Variants in ITGA4 observed in about 807,000 individuals in gnomAD.
The protein encoded by ITGA4 is integrin subunit alpha 4.
In ITGA4, 63 loss-of-function variants were observed where a neutral mutation model predicts 133.6. That is an observed-to-expected ratio of 0.47 (90% CI 0.38 to 0.58). ITGA4 has a LOEUF of 0.58. Among genes scored for constraint, ITGA4 ranks in the 20% least tolerant of loss-of-function variants. ITGA4 has a pLI of 0.00. For missense variants in ITGA4, 1,076 were observed against 1,252.7 expected, an observed-to-expected ratio of 0.86 and a Z score of 2.13; for synonymous variants, 483 against 438.0, an observed-to-expected ratio of 1.10 and a Z score of -1.28.
intron 17 of ITGA4, among the ~76,000 whole-genome samples, chr2:181,520,557 T>A (rs972939816): frequency 6.6e-6 from 1 of 152,004 alleles, no homozygotes; most frequent in Non-Finnish European, 1.5e-5. Flanking sequence ...GACAGATAAA[T>A]CAATTAGAAA....
intron 4 of ITGA4, among the ~76,000 whole-genome samples, chr2:181,477,488 C>T (rs1324864325): frequency 6.6e-6 from 1 of 151,952 alleles, no homozygotes; most frequent in African/African-American, 2.4e-5. Flanking sequence ...AGGATCTCAC[C>T]AACTCGATAG....
intron 9 of ITGA4, 144 bp downstream of exon 9, chr2:181,482,795 A>T (rs1685835795): frequency 1.5e-6 from 1 of 666,568 alleles, no homozygotes; most frequent in African/African-American, 1.8e-5. Flanking sequence ...ATGCTCTAAA[A>T]ATTAAATGGA....
rs988540258 is a variant in ITGA4 at position 181,535,665 on chromosome 2, G to A, written c.*138G>A. The stretch of plus-strand genomic sequence containing the variant: ...ATCTTGTGACATATTATGTCTTCAT[G>A]CAAGGGGAAAATCTCAGCAATGATT... On this transcript the variant is annotated 3_prime_UTR_variant, in exon 28 of 28. Coordinates refer to ENST00000397033, the MANE Select transcript of ITGA4 (RefSeq NM_000885.6). The A allele has an allele frequency of 1.1e-5, 12 of 1,113,250 alleles. No homozygotes were observed. In the Admixed American group the frequency reaches 2.0e-4, roughly 19 times the overall value. The allele number at this position is 1,113,250 out of a possible 1,614,324, so 69.0% of individuals were successfully genotyped here.
At position 181,534,323 on chromosome 2, in the gene ITGA4, C is replaced by T. The variant is rs770078499; in HGVS notation, c.2836C>T (p.Pro946Ser). ...FEIRATGFPE[P>S]NPRVIELNKD... ...AATAAGAGCAACAGGTTTTCCAGAG[C>T]CAAATCCAAGAGTAATTGAACTAAA... Residue 946 changes from proline (P) to serine (S), a missense_variant, in exon 26 of 28, where the codon CCA becomes TCA. Physicochemically the swap from Pro to Ser is moderately conservative, Grantham distance 74. This residue lies in a region of ITGA4 where 193 missense variants were observed against 172.3 expected (regional missense o/e 1.12). Transcript: ENST00000397033. The T allele has an allele frequency of 1.9e-6, 3 of 1,611,134 alleles. No homozygotes were observed. Among genetic ancestry groups the T allele is most frequent in the Admixed American group, 1.7e-5 (1 of 59,990 alleles).
At chr2:181,480,565 G>A (rs1037776378) in intron 6 of ITGA4, among the ~76,000 whole-genome samples, 2 of 152,084 alleles carry the variant, frequency 1.3e-5, no homozygotes, top group African/African-American at 4.8e-5. Context: ...TCTCTATGTA[G>A]TCAACTGATT....
rs538208494 is a variant in ITGA4 at position 181,526,821 on chromosome 2, C to CTTTTTTTTT, written c.2340-452_2340-444dup. ...TGTCACCCAGGTCAGAGCACATGGC[C>CTTTTTTTTT]TTTTTTTTTTTTTTTTTTTTTTTTT... On this transcript the variant is annotated intron_variant, in intron 21 of 27. Transcript: ENST00000397033. Among the ~76,000 whole-genome samples, 198 of 40,998 alleles carry CTTTTTTTTT rather than the reference C, an allele frequency of 4.8e-3. 67 individuals carry two copies. Among genetic ancestry groups the CTTTTTTTTT allele is most frequent in the East Asian group, 8.3e-3 (9 of 1,086 alleles). 26.9% of individuals were successfully genotyped at this position (40,998 alleles called of 152,430 possible).
chr2:181,482,300 G>GA (rs1184380806), intron 7 of ITGA4, 60 bp from the exon 8 acceptor site: 2 of 1,460,338 alleles, frequency 1.4e-6, no homozygotes, highest in Non-Finnish European at 1.8e-6. Flanking sequence ...AAACAGAAAG[G>GA]AGTGGTGTTT....
At chr2:181,476,253 G>A (rs186178474) in intron 4 of ITGA4, 95 of 153,800 alleles carry the variant, frequency 6.2e-4, no homozygotes, top group Middle Eastern at 6.6e-3. Context: ...AATAGTTTTC[G>A]GTTTATCTTT....
chr2:181,461,489 C>T lies in ITGA4; in HGVS notation c.319+3172C>T, dbSNP rs139913084. Among the ~76,000 whole-genome samples, 274 of 151,968 alleles carry T rather than the reference C, an allele frequency of 1.8e-3. 2 individuals carry two copies. The highest frequency in any genetic ancestry group is 6.2e-3 in the African/African-American group (255 of 41,408). The stretch of plus-strand genomic sequence containing the variant: ...GACCCAGGTGATTTCTACATGTCCA[C>T]TTTCCACCCGGGCACTCTGCATCAT... On this transcript the variant is annotated intron_variant, in intron 2 of 27. Transcript: ENST00000397033.
intron 2 of ITGA4, among the ~76,000 whole-genome samples, chr2:181,473,422 C>T (rs977753933): frequency 6.6e-6 from 1 of 152,180 alleles, no homozygotes; most frequent in Non-Finnish European, 1.5e-5. Flanking sequence ...AAATTGTCTT[C>T]ACGAAACCAG....
At chr2:181,509,441 T>C (rs182079097) in intron 15 of ITGA4, among the ~76,000 whole-genome samples, 138 of 152,214 alleles carry the variant, frequency 9.1e-4, no homozygotes, top group African/African-American at 3.1e-3. Context: ...GTATTATTTT[T>C]CATTTTTATT....
intron 10 of ITGA4, among the ~76,000 whole-genome samples, chr2:181,489,805 C>T (rs982559947): frequency 6.6e-6 from 1 of 152,116 alleles, no homozygotes; most frequent in African/African-American, 2.4e-5. Context: ...CCCCACACAA[C>T]CTCTTTCCCT....
chr2:181,534,399 A>G (rs1559059731), intron 26 of ITGA4, 29 bp downstream of exon 26: 16 of 1,231,182 alleles, frequency 1.3e-5, no homozygotes, highest in Non-Finnish European at 1.8e-5. Flanking sequence ...CTGCTACATT[A>G]AAATTATAGG....
At chr2:181,498,822 T>G (rs1221725397) in intron 15 of ITGA4, 45 bp downstream of exon 15, 16 of 1,533,988 alleles carry the variant, frequency 1.0e-5, no homozygotes, top group Non-Finnish European at 1.3e-5. Context: ...AACTTCAACG[T>G]TGTTGATAGA....
At chr2:181,512,447 AG>A (rs1474079014) in intron 17 of ITGA4, among the ~76,000 whole-genome samples, 2 of 152,090 alleles carry the variant, frequency 1.3e-5, no homozygotes, top group African/African-American at 2.4e-5. Context: ...TCCATATATT[AG>A]TGACTTGTGA....
Position 181,495,225 on chromosome 2 carries a change from C to A in ITGA4, c.1340-146C>A. ...AGATTCAGAGAAAAGTGGAAAGAAT[C>A]GTAAGATGTTAGCATATATTCTCTA... On this transcript the variant is annotated intron_variant, in intron 12 of 27. Transcript: ENST00000397033. The surrounding 1 kb of genome is among the most constrained non-coding windows in gnomAD (Gnocchi z 4.3). 1 of 615,402 alleles carries A rather than the reference C, an allele frequency of 1.6e-6. No individual in the cohort carries two copies. The highest frequency in any genetic ancestry group is 2.9e-5 in the Admixed American group (1 of 34,410). 38.1% of individuals were successfully genotyped at this position (615,402 alleles called of 1,614,324 possible). A position where few individuals can be genotyped will look rare whatever the true frequency, so the allele number is the denominator to read the frequency against.
Position 181,535,710 on chromosome 2 carries a change from C to T in ITGA4, c.*183C>T. Reference sequence around the variant, plus strand: ...ATGATTACTCTTTGAGATAGAAGAACTGCAAAGGTAATAATACAGCCAAAG... The same window carrying T: ...ATGATTACTCTTTGAGATAGAAGAATTGCAAAGGTAATAATACAGCCAAAG... On this transcript the variant is annotated 3_prime_UTR_variant, in exon 28 of 28. Transcript: ENST00000397033. The T allele has an allele frequency of 1.6e-6, 1 of 636,168 alleles. No individual in the cohort carries two copies. 39.4% of individuals were successfully genotyped at this position (636,168 alleles called of 1,614,324 possible). A position where few individuals can be genotyped will look rare whatever the true frequency, so the allele number is the denominator to read the frequency against.
rs761471801 is a variant in ITGA4 at position 181,495,460 on chromosome 2, T to C, written c.1385+44T>C. ...ACTGCTTAATTGCAATTTGGTTTAA[T>C]TGTAAAATGATGGGAGGTGGTGTTT... On this transcript the variant is annotated intron_variant, in intron 13 of 27. Transcript: ENST00000397033. The surrounding 1 kb of genome is among the most constrained non-coding windows in gnomAD (Gnocchi z 4.3). 2 of 1,414,984 alleles carry C rather than the reference T, an allele frequency of 1.4e-6. No individual in the cohort carries two copies. The highest frequency in any genetic ancestry group is 2.0e-6 in the Non-Finnish European group (2 of 999,178). The allele number at this position is 1,414,984 out of a possible 1,614,324, so 87.7% of individuals were successfully genotyped here. A position where few individuals can be genotyped will look rare whatever the true frequency, so the allele number is the denominator to read the frequency against.
At chr2:181,466,175 T>A (rs949269200) in intron 2 of ITGA4, among the ~76,000 whole-genome samples, 5 of 152,016 alleles carry the variant, frequency 3.3e-5, no homozygotes, top group Admixed American at 6.6e-5. Context: ...GTTGTTAGAG[T>A]TCTGAGGCCT....
Sources: gnomAD v4.1 joint callset for allele counts (sites outside exome capture counted in the v4.1 genomes callset) on GRCh38, gnomAD v4.1.1 for gene constraint, gnomAD v4.1.1 regional missense constraint, Gnocchi (gnomAD v3.1) non-coding constraint, MANE v1.5 for transcripts, NCBI Gene and HGNC (gene_info 2026-07-23, HGNC 2026-07-21) for gene names.